The following PKHD1 variants were observed in gnomAD, a reference collection of about 807,000 sequenced individuals.
PKHD1 encodes fibrocystin.
Under a neutral mutation model 412.0 loss-of-function variants are expected in PKHD1, and 291 were observed. The observed-to-expected ratio is 0.71, with a 90% CI of 0.64 to 0.78. The LOEUF (loss-of-function observed/expected upper bound fraction) is 0.78. Ranked by LOEUF, PKHD1 falls within the 30% of genes least tolerant of loss-of-function variation. PKHD1 has a pLI of 0.00. For synonymous variants in PKHD1, 1,777 were observed against 1,821.5 expected, an observed-to-expected ratio of 0.98 and a Z score of 0.62; for missense variants, 4,825 against 4,950.7, an observed-to-expected ratio of 0.97 and a Z score of 0.76.
chr6:51,632,113 T>G (rs376548540), intron 65 of PKHD1, among the ~76,000 whole-genome samples: 1 of 151,904 alleles, frequency 6.6e-6, no homozygotes, highest in South Asian at 2.1e-4. Context: ...CCAGATAATT[T>G]TTGTATTTTT....
chr6:51,836,171 A>G (rs1769174239), intron 51 of PKHD1, among the ~76,000 whole-genome samples: 1 of 152,208 alleles, frequency 6.6e-6, no homozygotes, highest in Non-Finnish European at 1.5e-5. Context: ...GCTTATTTAC[A>G]TGTTTCAATT....
chr6:51,900,106 A>C (rs1197572180), intron 43 of PKHD1, among the ~76,000 whole-genome samples: 1 of 152,234 alleles, frequency 6.6e-6, no homozygotes, highest in African/African-American at 2.4e-5. Context: ...GGTAATTTAC[A>C]GATTCAGTGC....
intron 52 of PKHD1, among the ~76,000 whole-genome samples, chr6:51,822,983 G>A (rs997584071): frequency 3.3e-5 from 5 of 151,956 alleles, no homozygotes; most frequent in African/African-American, 1.2e-4. Context: ...TAAGGTCAAA[G>A]TATACTTGAA....
intron 60 of PKHD1, among the ~76,000 whole-genome samples, chr6:51,660,910 C>G (rs116174601): frequency 1.9e-3 from 296 of 152,246 alleles, no homozygotes; most frequent in African/African-American, 6.8e-3. Flanking sequence ...CAGACTCTCT[C>G]CCTTCCCCTG....
At chr6:51,993,792 G>A (rs1797339476) in intron 35 of PKHD1, among the ~76,000 whole-genome samples, 1 of 149,900 alleles carries the variant, frequency 6.7e-6, no homozygotes, top group Non-Finnish European at 1.5e-5. Flanking sequence ...ATTGTACTCA[G>A]CCAGACTGGA....
At chr6:51,686,857 C>T (rs1489092866) in intron 60 of PKHD1, among the ~76,000 whole-genome samples, 1 of 152,158 alleles carries the variant, frequency 6.6e-6, no homozygotes, top group Non-Finnish European at 1.5e-5. Flanking sequence ...CAAGTTGAAA[C>T]TATGATCTAC....
rs1445592181 is a variant in PKHD1 at position 51,775,763 on chromosome 6, C to T, written c.8554+45G>A. On this transcript the variant is annotated intron_variant, in intron 54 of 66. Coordinates refer to ENST00000371117, the MANE Select transcript of PKHD1 (RefSeq NM_138694.4). ...CTATCAGACACAAGCACACAATACA[C>T]ACACATGCATTTTATTTTTAATAAA... 7 of 908,272 alleles carry T rather than the reference C, an allele frequency of 7.7e-6. No individual in the cohort carries two copies. In the Middle Eastern group the frequency reaches 8.7e-4, roughly 113 times the overall value. 56.3% of individuals were successfully genotyped at this position (908,272 alleles called of 1,614,324 possible). A position where few individuals can be genotyped will look rare whatever the true frequency, so the allele number is the denominator to read the frequency against.
At chr6:51,657,656 C>T (rs1772101598) in intron 61 of PKHD1, among the ~76,000 whole-genome samples, 2 of 152,034 alleles carry the variant, frequency 1.3e-5, no homozygotes, top group South Asian at 4.2e-4. Context: ...TAAAAGTGAT[C>T]TTTTCTCTGA....
At chr6:51,747,638 T>C in intron 58 of PKHD1, 149 bp downstream of exon 58, 1 of 671,476 alleles carries the variant, frequency 1.5e-6, no homozygotes, top group Non-Finnish European at 2.6e-6. Flanking sequence ...AATTATAAAC[T>C]ACCATTGTGG....
At chr6:52,084,296 C>G (rs1483267201) in intron 2 of PKHD1, among the ~76,000 whole-genome samples, 1 of 152,242 alleles carries the variant, frequency 6.6e-6, no homozygotes, top group Non-Finnish European at 1.5e-5. Flanking sequence ...CACATTAGCA[C>G]AACCATTTAT....
Position 51,912,393 on chromosome 6 carries a change from G to T in PKHD1, c.6305C>A (p.Thr2102Lys), listed in dbSNP as rs779839042. The T allele has an allele frequency of 1.2e-6, 2 of 1,612,114 alleles. No homozygotes were observed. The highest frequency in any genetic ancestry group is 2.7e-5 in the African/African-American group (2 of 74,824). Residue 2102 changes from threonine to lysine, a missense_variant, in exon 38 of 67, where the codon ACA becomes AAA. By Grantham distance (78) the Thr-to-Lys change is moderately conservative (BLOSUM62 -1). Transcript: ENST00000371117. ...CAAAGGTGACTTAAGATAGAGGTCT[G>T]TATCCTGCACAGTTTCCACAGTGAC... ...EIVTVETVQD[T>K]DLYLKSPLRY... is the part of the protein sequence containing the mutation.
chr6:51,881,693 A>C (rs756021599), intron 46 of PKHD1, among the ~76,000 whole-genome samples: 2 of 152,206 alleles, frequency 1.3e-5, no homozygotes, highest in African/African-American at 4.8e-5. Context: ...CATGAACCTT[A>C]AACTGCCATT....
At chr6:51,641,566 T>C (rs1769352226) in intron 63 of PKHD1, among the ~76,000 whole-genome samples, 1 of 152,158 alleles carries the variant, frequency 6.6e-6, no homozygotes. Context: ...GCATTATAAA[T>C]CATGCTACTA....
chr6:51,896,061 C>A (rs1007863942), intron 43 of PKHD1, among the ~76,000 whole-genome samples: 3 of 152,184 alleles, frequency 2.0e-5, no homozygotes, highest in Non-Finnish European at 2.9e-5. Flanking sequence ...AGTCTGAGAT[C>A]AAACTGCAAG....
chr6:51,934,241 C>G lies in PKHD1; in HGVS notation c.5990G>C (p.Arg1997Pro). The G allele has an allele frequency of 6.2e-7, 1 of 1,613,866 alleles. No individual in the cohort carries two copies. Among genetic ancestry groups the G allele is most frequent in the Non-Finnish European group, 8.5e-7 (1 of 1,179,912 alleles). The change falls in exon 37 of 67, where the codon CGG (arginine) becomes CCG (proline). Residue 1997 changes from arginine (R) to proline (P), a missense_variant. By Grantham distance (103) the Arg-to-Pro change is moderately radical. Transcript: ENST00000371117. ...GAAGGGCTTGTCTTCGGATCCAATCCGGAGCTCTCCACCATCAGAAACAAG... is the reference window on the plus strand; with the variant it reads ...GAAGGGCTTGTCTTCGGATCCAATCGGGAGCTCTCCACCATCAGAAACAAG... ...AILVSDGGEL[R>P]IGSEDKPFQG...
Position 52,069,506 on chromosome 6 carries a change from T to C in PKHD1, c.729A>G (p.Ala243=). Residue 243 remains alanine, a synonymous_variant, in exon 11 of 67, where the codon GCA becomes GCG. Transcript: ENST00000371117. The part of the protein sequence containing the change: ...NKGKSMVHKK[A]WLISAKQDLF... ...GATCCTGTTTAGCACTGATCAGCCA[T>C]GCCTTCTTGTGGACCATTGACCTTC... 6.2e-7 allele frequency: 1 copy of C among 1,613,374 alleles called. No individual in the cohort carries two copies. Among genetic ancestry groups the C allele is most frequent in the Non-Finnish European group, 8.5e-7 (1 of 1,179,302 alleles).
At chr6:51,919,745 T>C (rs1784397862) in intron 37 of PKHD1, among the ~76,000 whole-genome samples, 1 of 152,248 alleles carries the variant, frequency 6.6e-6, no homozygotes, top group Non-Finnish European at 1.5e-5. Flanking sequence ...ACGATATTGA[T>C]TCTTCCTATC....
intron 35 of PKHD1, among the ~76,000 whole-genome samples, chr6:51,990,357 C>T (rs1562075071): frequency 6.6e-6 from 1 of 152,158 alleles, no homozygotes; most frequent in Non-Finnish European, 1.5e-5. Flanking sequence ...GCAGATGTTG[C>T]CTCTCCCAAC....
At chr6:51,774,294 A>G (rs1385655350) in intron 54 of PKHD1, among the ~76,000 whole-genome samples, 4 of 152,056 alleles carry the variant, frequency 2.6e-5, no homozygotes, top group Non-Finnish European at 5.9e-5. Flanking sequence ...AAATTTGAGC[A>G]TGCAGTAAAA....
Sources: allele counts gnomAD v4.1 joint callset (sites outside exome capture counted in the v4.1 genomes callset), GRCh38; gene constraint gnomAD v4.1.1; transcripts MANE v1.5; gene names NCBI Gene and HGNC (gene_info 2026-07-23, HGNC 2026-07-21).